Variants in RPS6KB1 observed in about 807,000 individuals in gnomAD.
The protein encoded by RPS6KB1 is ribosomal protein S6 kinase beta-1.
RPS6KB1 carries 12 observed loss-of-function variants against 70.2 expected under a neutral mutation model. The ratio of observed to expected loss-of-function variants is 0.17; its 90% CI spans 0.11 to 0.28. RPS6KB1 has a LOEUF of 0.28. RPS6KB1 is among the 10% of genes least tolerant of loss of function. The pLI, the probability that RPS6KB1 is intolerant of heterozygous loss-of-function variation, is 1.00. For missense variants in RPS6KB1, 270 were observed against 646.6 expected (o/e 0.42, Z 6.32); for synonymous variants, 175 against 211.2 (o/e 0.83, Z 1.49).
At chr17:59,932,778 C>T (rs1337751362) in intron 7 of RPS6KB1, among the ~76,000 whole-genome samples, 1 of 152,118 alleles carries the variant, frequency 6.6e-6, no homozygotes, top group Non-Finnish European at 1.5e-5. Flanking sequence ...GTCTCAAACT[C>T]CTGAGCTCAA....
chr17:59,915,338 G>T lies in RPS6KB1; in HGVS notation c.381+635G>T, dbSNP rs1401190700. The stretch of plus-strand genomic sequence containing the variant: ...CAATACTTTTTAGAATGTGAGGTAT[G>T]TTTCATTACTGTTATTCCTATTTTT... On this transcript the variant is annotated intron_variant, in intron 4 of 14. Coordinates refer to ENST00000225577, the MANE Select transcript of RPS6KB1 (RefSeq NM_003161.4). 5.3e-5 allele frequency among the ~76,000 whole-genome samples: 8 copies of T among 152,202 alleles called. No homozygotes were observed. In the East Asian group the frequency reaches 1.5e-3, roughly 29 times the overall value.
chr17:59,899,691 A>G (rs1289058889), intron 1 of RPS6KB1, among the ~76,000 whole-genome samples: 2 of 152,188 alleles, frequency 1.3e-5, no homozygotes, highest in African/African-American at 2.4e-5. Flanking sequence ...AACTGTATCC[A>G]GTTAAAATGG....
chr17:59,915,775 CT>C (rs71370143), intron 4 of RPS6KB1, among the ~76,000 whole-genome samples: 115 of 77,908 alleles, frequency 1.5e-3, no homozygotes, highest in South Asian at 5.6e-3. Context: ...CTACTGCTAT[CT>C]TTTTTTTTTT....
At chr17:59,900,585 C>T (rs991257512) in intron 1 of RPS6KB1, among the ~76,000 whole-genome samples, 3 of 151,870 alleles carry the variant, frequency 2.0e-5, no homozygotes, top group Non-Finnish European at 4.4e-5. Context: ...AGGCTGGTCT[C>T]GAACTCCCAA....
chr17:59,907,376 A>G (rs565770175), intron 1 of RPS6KB1: 4 of 152,306 alleles, frequency 2.6e-5, no homozygotes, highest in Admixed American at 1.3e-4. Context: ...GGGTTTTGAT[A>G]GGATTCAGTT....
intron 4 of RPS6KB1, among the ~76,000 whole-genome samples, chr17:59,925,936 A>G (rs180532): frequency 0.56 from 84,954 of 151,920 alleles, 25,845 homozygotes; most frequent in African/African-American, 0.82. Context: ...ATGAGCCACC[A>G]CGTCCAGGCC....
chr17:59,920,159 A>G (rs1354281931), intron 4 of RPS6KB1, among the ~76,000 whole-genome samples: 1 of 151,762 alleles, frequency 6.6e-6, no homozygotes, highest in Non-Finnish European at 1.5e-5. Flanking sequence ...CTGGGATTAC[A>G]GGTGCCCGCC....
intron 1 of RPS6KB1, among the ~76,000 whole-genome samples, chr17:59,898,557 T>C (rs2041707017): frequency 6.6e-6 from 1 of 151,938 alleles, no homozygotes; most frequent in African/African-American, 2.4e-5. Flanking sequence ...GGGTTCAAGC[T>C]ATTCTCCTGC....
At chr17:59,903,914 T>G (rs1251632725) in intron 1 of RPS6KB1, among the ~76,000 whole-genome samples, 2 of 151,856 alleles carry the variant, frequency 1.3e-5, no homozygotes, top group Non-Finnish European at 2.9e-5. Flanking sequence ...TTTATATATT[T>G]TATTTATTTA....
intron 2 of RPS6KB1, chr17:59,912,375 A>T (rs2042697489): frequency 7.8e-6 from 2 of 255,924 alleles, no homozygotes; most frequent in South Asian, 9.8e-5. Context: ...AAGTGATCTT[A>T]CTTGAATGGA....
chr17:59,901,641 A>G (rs199552698), intron 1 of RPS6KB1, among the ~76,000 whole-genome samples: 24,020 of 146,746 alleles, frequency 0.16, 2,385 homozygotes, highest in East Asian at 0.38. Flanking sequence ...AAAAAAAAAA[A>G]AAAAAGAAAA....
At chr17:59,929,316 A>T (rs968916412) in intron 5 of RPS6KB1, among the ~76,000 whole-genome samples, 31 of 151,998 alleles carry the variant, frequency 2.0e-4, no homozygotes, top group African/African-American at 6.8e-4. Context: ...TTTTTAATAG[A>T]GATCACCCCT....
In RPS6KB1 at chr17:59,945,523, T is replaced by C. The variant is rs756871916; in HGVS notation, c.1340+5T>C. The C allele has an allele frequency of 2.6e-6, 4 of 1,510,426 alleles. No homozygotes were observed. The highest frequency in any genetic ancestry group is 3.7e-6 in the Non-Finnish European group (4 of 1,086,246). 93.6% of individuals were successfully genotyped at this position (1,510,426 alleles called of 1,614,324 possible). A position where few individuals can be genotyped will look rare whatever the true frequency, so the allele number is the denominator to read the frequency against. On this transcript the variant is annotated splice_donor_5th_base_variant and intron_variant, in intron 14 of 14. Coordinates refer to ENST00000225577, the MANE Select transcript of RPS6KB1 (RefSeq NM_003161.4). ...CAGCCCACGAACACCTGTCAGGTAT[T>C]TCACACTCTTATTTTCACTTTTTTT...
intron 4 of RPS6KB1, among the ~76,000 whole-genome samples, chr17:59,925,106 C>T (rs1266664795): frequency 6.6e-6 from 1 of 152,180 alleles, no homozygotes; most frequent in African/African-American, 2.4e-5. Context: ...GCTGGGATTA[C>T]AGGCGTGAGC....
rs2044993104 is a variant in RPS6KB1 at position 59,947,483 on chromosome 17, G to A, written c.*695G>A. On this transcript the variant is annotated 3_prime_UTR_variant, in exon 15 of 15. Coordinates refer to ENST00000225577, the MANE Select transcript of RPS6KB1 (RefSeq NM_003161.4). ...TTAACCACAGCTGTGGCTCGTTTGA[G>A]GGATTGGGGTGGACCTGGGGTTTAT... 1 of 1,425,994 alleles carries A rather than the reference G, an allele frequency of 7.0e-7. No individual in the cohort carries two copies. Among genetic ancestry groups the A allele is most frequent in the African/African-American group, 1.5e-5 (1 of 68,458 alleles). 88.3% of individuals were successfully genotyped at this position (1,425,994 alleles called of 1,614,324 possible). A position where few individuals can be genotyped will look rare whatever the true frequency, so the allele number is the denominator to read the frequency against.
intron 7 of RPS6KB1, among the ~76,000 whole-genome samples, chr17:59,933,400 T>C (rs1273825638): frequency 2.0e-5 from 3 of 152,122 alleles, no homozygotes; most frequent in Non-Finnish European, 4.4e-5. Context: ...ATCAGATGGT[T>C]CTGTGAAAAT....
intron 3 of RPS6KB1, among the ~76,000 whole-genome samples, chr17:59,913,327 T>C (rs1207285169): frequency 6.6e-6 from 1 of 152,214 alleles, no homozygotes; most frequent in East Asian, 1.9e-4. Flanking sequence ...CACAAAACTT[T>C]TTACCAAACT....
chr17:59,900,222 ACACACACACC>A (rs2041843619), intron 1 of RPS6KB1, among the ~76,000 whole-genome samples: 1 of 138,324 alleles, frequency 7.2e-6, no homozygotes, highest in African/African-American at 2.9e-5. Context: ...ACACACACAC[ACACACACACC>A]CCTATGTGTT....
intron 1 of RPS6KB1, among the ~76,000 whole-genome samples, chr17:59,895,024 T>G (rs969132518): frequency 2.0e-5 from 3 of 151,858 alleles, no homozygotes; most frequent in Admixed American, 2.0e-4. Flanking sequence ...CTGGTTTTTT[T>G]GTTTTGTTTT....
Sources: allele counts gnomAD v4.1 joint callset (sites outside exome capture counted in the v4.1 genomes callset), GRCh38; gene constraint gnomAD v4.1.1; transcripts MANE v1.5; gene names NCBI Gene and HGNC (gene_info 2026-07-23, HGNC 2026-07-21).